DGCR2: variants seen among roughly 807,000 people sequenced by gnomAD.
The protein encoded by DGCR2 is integral membrane protein DGCR2/IDD.
DGCR2 carries 24 observed loss-of-function variants against 51.6 expected under a neutral mutation model. The observed-to-expected ratio is 0.47, with a 90% CI of 0.34 to 0.65. DGCR2 has a LOEUF of 0.65. Ranked by LOEUF, DGCR2 falls within the 30% of genes least tolerant of loss-of-function variation. The probability of loss-of-function intolerance (pLI) is 0.01; values close to 1 mark genes in which losing one functional copy is unlikely to be tolerated. For synonymous variants in DGCR2, 340 were observed against 315.4 expected (o/e 1.08, Z -0.82); for missense variants, 765 against 772.1 (o/e 0.99, Z 0.11).
In DGCR2 at chr22:19,089,447, G is replaced by A; in HGVS notation, c.123C>T (p.Thr41=). 1 of 1,606,240 alleles carries A rather than the reference G, an allele frequency of 6.2e-7. No individual in the cohort carries two copies. Among genetic ancestry groups the A allele is most frequent in the Non-Finnish European group, 8.5e-7 (1 of 1,175,888 alleles). The part of the protein sequence containing the change: ...NPGQFACRSG[T]IQCIPLPWQC... ...GCCAGGGGAGGGGGATGCACTGGAT[G>A]GTGCCGCTGCGACACGCAAACTGCC... is the stretch of plus-strand genomic sequence containing the variant. The change falls in exon 2 of 10, where the codon ACC becomes ACT. Residue 41 remains threonine, a synonymous_variant. Transcript: ENST00000263196.
At chr22:19,087,203 T>C (rs1179222004) in intron 2 of DGCR2, among the ~76,000 whole-genome samples, 1 of 152,120 alleles carries the variant, frequency 6.6e-6, no homozygotes, top group East Asian at 1.9e-4. Flanking sequence ...GAATCCACTT[T>C]CTCTGGGCTT....
At chr22:19,121,869 T>C (rs917617205) in intron 1 of DGCR2, 53 of 245,960 alleles carry the variant, frequency 2.2e-4, no homozygotes, top group African/African-American at 1.1e-3. Flanking sequence ...GCGTAGCTCC[T>C]GGCCGCCGCC....
intron 1 of DGCR2, among the ~76,000 whole-genome samples, chr22:19,114,654 G>T (rs1396797586): frequency 6.6e-6 from 1 of 152,202 alleles, no homozygotes; most frequent in African/African-American, 2.4e-5. Context: ...CCGGTCCTGT[G>T]GTCAGTCTCC....
intron 2 of DGCR2, among the ~76,000 whole-genome samples, chr22:19,083,716 TCTCCC>T (rs2082969542): frequency 2.3e-5 from 1 of 43,940 alleles, no homozygotes; most frequent in Admixed American, 2.5e-4. Flanking sequence ...CCCCTCTCCC[TCTCCC>T]CACGGTCTCC....
intron 5 of DGCR2, among the ~76,000 whole-genome samples, chr22:19,058,043 C>T (rs2082622507): frequency 6.6e-6 from 1 of 152,224 alleles, no homozygotes; most frequent in African/African-American, 2.4e-5. Context: ...GGTGCTCTCC[C>T]CCTCCTAAGA....
intron 2 of DGCR2, among the ~76,000 whole-genome samples, chr22:19,082,015 C>CT (rs1385649049): frequency 6.6e-6 from 1 of 150,960 alleles, no homozygotes; most frequent in African/African-American, 2.4e-5. Flanking sequence ...TCTCTCTACT[C>CT]TAGCTTGTCT....
chr22:19,042,038 G>T, intron 7 of DGCR2, 79 bp from the exon 8 acceptor site: 1 of 1,501,106 alleles, frequency 6.7e-7, no homozygotes, highest in Non-Finnish European at 8.9e-7. Context: ...TCGTCCTCCT[G>T]CCCAGGCGGG....
chr22:19,060,848 G>C (rs779157050), intron 5 of DGCR2: 5 of 515,130 alleles, frequency 9.7e-6, no homozygotes, highest in African/African-American at 1.9e-5. Context: ...CCACCAAGGC[G>C]CACAGGAACC....
Position 19,038,904 on chromosome 22 carries a change from A to G in DGCR2, c.1614T>C (p.Gly538=). The G allele has an allele frequency of 6.2e-7, 1 of 1,612,630 alleles. No homozygotes were observed. Among genetic ancestry groups the G allele is most frequent in the African/African-American group, 1.3e-5 (1 of 75,008 alleles). The change falls in exon 10 of 10, where the codon GGT becomes GGC. Residue 538 remains glycine, a synonymous_variant. Coordinates refer to ENST00000263196, the MANE Select transcript of DGCR2 (RefSeq NM_005137.3). Reference sequence around the variant, plus strand: ...TGAGGGAGCTGCGGCTGTGGCGGCCACCCCCTGGCAGTGCCTCTGCAGCTG... The same window carrying G: ...TGAGGGAGCTGCGGCTGTGGCGGCCGCCCCCTGGCAGTGCCTCTGCAGCTG... ...STPAAEALPG[G]GRHSRSSLNT...
chr22:19,046,147 C>T (rs2082487161), intron 7 of DGCR2: 1 of 152,206 alleles, frequency 6.6e-6, no homozygotes, highest in Admixed American at 6.5e-5. Context: ...ATTGAGACAC[C>T]TGATCCATGA....
chr22:19,078,933 C>G (rs560406350), intron 2 of DGCR2, among the ~76,000 whole-genome samples: 1 of 152,254 alleles, frequency 6.6e-6, no homozygotes, highest in South Asian at 2.1e-4. Context: ...GAGAATTCAT[C>G]AGTGAAGCCA....
In DGCR2 at chr22:19,122,398, A is replaced by G. The variant is rs1005836752; in HGVS notation, c.-192T>C. On this transcript the variant is annotated 5_prime_UTR_variant, in exon 1 of 10. Transcript: ENST00000263196. ...GGCTGCAACCTCAGGCACCGACTCCAGCTGCGCGCAAGATGGCGGCCGTCC... is the reference window on the plus strand; with the variant it reads ...GGCTGCAACCTCAGGCACCGACTCCGGCTGCGCGCAAGATGGCGGCCGTCC... The G allele has an allele frequency of 2.6e-5, 11 of 423,148 alleles. No individual in the cohort carries two copies. In the East Asian group the frequency reaches 3.5e-4, roughly 14 times the overall value. The allele number at this position is 423,148 out of a possible 1,614,324, so 26.2% of individuals were successfully genotyped here.
At chr22:19,103,454 G>A (rs1238644739) in intron 1 of DGCR2, among the ~76,000 whole-genome samples, 47 of 114,974 alleles carry the variant, frequency 4.1e-4, no homozygotes, top group African/African-American at 1.3e-3. Context: ...TTTTTGAGCC[G>A]GAGTCTCGCT....
chr22:19,086,932 C>T (rs1174514219), intron 2 of DGCR2, among the ~76,000 whole-genome samples: 5 of 152,168 alleles, frequency 3.3e-5, no homozygotes, highest in Non-Finnish European at 7.3e-5. Context: ...CTATGTTCAG[C>T]GTGTGTAACA....
intron 1 of DGCR2, chr22:19,121,920 A>G (rs1452798615): frequency 7.1e-6 from 2 of 280,450 alleles, no homozygotes; most frequent in Non-Finnish European, 1.3e-5. Context: ...TGGACAGCAG[A>G]GCTGCACGAA....
chr22:19,076,315 C>A (rs1224397046), intron 2 of DGCR2, among the ~76,000 whole-genome samples: 1 of 149,690 alleles, frequency 6.7e-6, no homozygotes, highest in Non-Finnish European at 1.5e-5. Flanking sequence ...CATGCATCAC[C>A]ATACTCGGCT....
intron 2 of DGCR2, among the ~76,000 whole-genome samples, chr22:19,073,062 G>C (rs1401246002): frequency 6.6e-6 from 1 of 151,954 alleles, no homozygotes; most frequent in East Asian, 1.9e-4. Flanking sequence ...TTGGAGACCA[G>C]CCTGGGCAAC....
At chr22:19,107,071 G>A (rs1160746405) in intron 1 of DGCR2, among the ~76,000 whole-genome samples, 1 of 152,186 alleles carries the variant, frequency 6.6e-6, no homozygotes, top group African/African-American at 2.4e-5. Context: ...CACTCCTGCT[G>A]TGGTTTTGAA....
chr22:19,120,202 T>C (rs2083417593), intron 1 of DGCR2, among the ~76,000 whole-genome samples: 1 of 152,172 alleles, frequency 6.6e-6, no homozygotes, highest in Non-Finnish European at 1.5e-5. Flanking sequence ...CAGGGGTAGC[T>C]GCAATGTTCT....
Sources: gnomAD v4.1 joint callset for allele counts (sites outside exome capture counted in the v4.1 genomes callset) on GRCh38, gnomAD v4.1.1 for gene constraint, MANE v1.5 for transcripts, NCBI Gene and HGNC (gene_info 2026-07-23, HGNC 2026-07-21) for gene names.